MAPK10: variants seen among roughly 807,000 people sequenced by gnomAD.
MAPK10 encodes the protein JNK3 alpha protein kinase.
Under a neutral mutation model 59.3 loss-of-function variants are expected in MAPK10, and 25 were observed. The ratio of observed to expected loss-of-function variants is 0.42; its 90% CI spans 0.31 to 0.59. The LOEUF (loss-of-function observed/expected upper bound fraction) is 0.59. Among genes scored for constraint, MAPK10 ranks in the 20% least tolerant of loss-of-function variants. The pLI is 0.15. For missense variants in MAPK10, 351 were observed against 568.9 expected, an observed-to-expected ratio of 0.62 and a Z score of 3.90; for synonymous variants, 190 against 200.5, an observed-to-expected ratio of 0.95 and a Z score of 0.44.
intron 4 of MAPK10, among the ~76,000 whole-genome samples, chr4:86,114,391 G>A (rs972101972): frequency 4.6e-5 from 7 of 152,056 alleles, no homozygotes; most frequent in African/African-American, 1.2e-4. Flanking sequence ...ACCTTTGGAC[G>A]GGGTTTTTGT....
intron 1 of MAPK10, chr4:86,429,634 C>G (rs984118111): frequency 6.6e-6 from 1 of 151,820 alleles, no homozygotes; most frequent in Non-Finnish European, 1.5e-5. Flanking sequence ...GAAACCCCAC[C>G]TCTACAAAAA....
At chr4:86,038,372 T>C (rs898199767) in intron 11 of MAPK10, among the ~76,000 whole-genome samples, 4 of 152,356 alleles carry the variant, frequency 2.6e-5, no homozygotes, top group African/African-American at 4.8e-5. Flanking sequence ...TGAAATATGC[T>C]TTGTTTTTTC....
At chr4:86,310,780 T>G (rs1564241447) in intron 2 of MAPK10, among the ~76,000 whole-genome samples, 1 of 152,154 alleles carries the variant, frequency 6.6e-6, no homozygotes, top group Non-Finnish European at 1.5e-5. Flanking sequence ...TTTCTCACTG[T>G]GTGATTTAGT....
chr4:86,144,455 A>G (rs1251850963), intron 4 of MAPK10, among the ~76,000 whole-genome samples: 4 of 152,188 alleles, frequency 2.6e-5, no homozygotes, highest in Non-Finnish European at 5.9e-5. Flanking sequence ...GTTAAAGAGT[A>G]TAGAAGAACC....
intron 4 of MAPK10, among the ~76,000 whole-genome samples, chr4:86,152,781 A>T (rs796409914): frequency 2.0e-4 from 30 of 152,132 alleles, no homozygotes; most frequent in African/African-American, 4.3e-4. Flanking sequence ...TATCTTTTTT[A>T]AAAAAAACAA....
chr4:86,021,429 T>G (rs1746786135), intron 13 of MAPK10, among the ~76,000 whole-genome samples: 1 of 152,136 alleles, frequency 6.6e-6, no homozygotes, highest in African/African-American at 2.4e-5. Context: ...TGTCGATTGG[T>G]GCACTCACAA....
Position 86,214,589 on chromosome 4 carries a change from G to A in MAPK10, c.-6-20182C>T, listed in dbSNP as rs143739789. 1.3e-3 allele frequency among the ~76,000 whole-genome samples: 185 copies of A among 146,094 alleles called. 2 individuals carry two copies. The highest frequency in any genetic ancestry group is 3.4e-3 in the African/African-American group (135 of 40,094). On this transcript the variant is annotated intron_variant, in intron 2 of 13. Transcript: ENST00000641462. ...AAGCAGCAGGATACAAAGTTAACGCGCAAAAATCAATTGCATTTCTATACA... is the reference window on the plus strand; with the variant it reads ...AAGCAGCAGGATACAAAGTTAACGCACAAAAATCAATTGCATTTCTATACA...
chr4:86,408,864 T>C (rs1744748482), intron 1 of MAPK10, among the ~76,000 whole-genome samples: 1 of 152,200 alleles, frequency 6.6e-6, no homozygotes, highest in Non-Finnish European at 1.5e-5. Context: ...CTGTTCACCC[T>C]GATGGTAGTT....
chr4:86,035,370 C>CAAAAA (rs70948779), intron 11 of MAPK10, among the ~76,000 whole-genome samples: 12 of 37,856 alleles, frequency 3.2e-4, no homozygotes, highest in East Asian at 1.0e-3. Context: ...GACTCTGTCT[C>CAAAAA]AAAAAAAAAA....
At chr4:86,161,098 G>C (rs946637424) in intron 3 of MAPK10, among the ~76,000 whole-genome samples, 1 of 151,966 alleles carries the variant, frequency 6.6e-6, no homozygotes, top group Non-Finnish European at 1.5e-5. Flanking sequence ...CGTGTGACAG[G>C]CACCAACCTA....
rs113139967 is a variant in MAPK10 at position 86,211,802 on chromosome 4, A to C, written c.-6-17395T>G. 2.3e-4 allele frequency among the ~76,000 whole-genome samples: 35 copies of C among 152,254 alleles called. No individual in the cohort carries two copies. The Middle Eastern group carries it at 0.01, about 44-fold the overall frequency. On this transcript the variant is annotated intron_variant, in intron 2 of 13. Transcript: ENST00000641462. ...ATGTAATTTATAACATCAATAACTA[A>C]ATAAAGGGATTAAGGACAAAGCTGG... is the stretch of plus-strand genomic sequence containing the variant.
At chr4:86,131,816 T>C (rs1384190495) in intron 4 of MAPK10, among the ~76,000 whole-genome samples, 3 of 152,180 alleles carry the variant, frequency 2.0e-5, no homozygotes, top group Non-Finnish European at 4.4e-5. Context: ...ACTATCAAAA[T>C]GCTACATTTA....
At chr4:86,358,487 G>T in intron 1 of MAPK10, 1 of 449,018 alleles carries the variant, frequency 2.2e-6, no homozygotes, top group Non-Finnish European at 2.9e-6. Flanking sequence ...CAGGGCTGCT[G>T]TACAGACACT....
At chr4:86,270,380 T>G (rs549904402) in intron 2 of MAPK10, among the ~76,000 whole-genome samples, 24 of 152,032 alleles carry the variant, frequency 1.6e-4, no homozygotes, top group Admixed American at 2.6e-4. Flanking sequence ...TGTGTGCTAT[T>G]TTTTTTAATT....
chr4:86,112,701 T>C (rs983754932), intron 4 of MAPK10, among the ~76,000 whole-genome samples: 10 of 151,978 alleles, frequency 6.6e-5, no homozygotes, highest in Admixed American at 5.9e-4. Context: ...TGTTTTGGGG[T>C]GGAAAGTTCT....
intron 4 of MAPK10, among the ~76,000 whole-genome samples, chr4:86,153,341 G>A (rs2066928145): frequency 6.6e-6 from 1 of 152,078 alleles, no homozygotes; most frequent in South Asian, 2.1e-4. Context: ...TTTCAAATCT[G>A]CCAAGAAAAG....
chr4:86,441,091 A>G (rs752206840), intron 1 of MAPK10, among the ~76,000 whole-genome samples: 2 of 152,182 alleles, frequency 1.3e-5, no homozygotes, highest in African/African-American at 4.8e-5. Flanking sequence ...ATATTAAACT[A>G]TTATATTTAA....
rs1743125183 is a variant in MAPK10 at position 86,015,872 on chromosome 4, G to A, written c.*1356C>T. ...TTAAGGAGTCAGGGAAACTCCTGAG[G>A]AATAACAATGTCTCTGGAGATGTTT... On this transcript the variant is annotated 3_prime_UTR_variant, in exon 14 of 14. Transcript: ENST00000641462. 6.6e-6 allele frequency: 1 copy of A among 152,102 alleles called. No individual in the cohort carries two copies. Among genetic ancestry groups the A allele is most frequent in the Non-Finnish European group, 1.5e-5 (1 of 68,022 alleles). 9.4% of individuals were successfully genotyped at this position (152,102 alleles called of 1,614,324 possible).
chr4:86,102,254 G>T, intron 6 of MAPK10: 3 of 427,498 alleles, frequency 7.0e-6, no homozygotes, highest in Non-Finnish European at 8.3e-6. Context: ...TCTGGTTCAT[G>T]TCCACAGATT....
Sources: allele counts gnomAD v4.1 joint callset (sites outside exome capture counted in the v4.1 genomes callset), GRCh38; gene constraint gnomAD v4.1.1; transcripts MANE v1.5; gene names NCBI Gene and HGNC (gene_info 2026-07-23, HGNC 2026-07-21).